Variants in TMC5 observed in about 807,000 individuals in gnomAD.
The protein encoded by TMC5 is transmembrane channel like 5, also known as transmembrane channel-like protein 5.
A neutral mutation model predicts 110.5 loss-of-function variants in TMC5; 86 were observed. That is an observed-to-expected ratio of 0.78 (90% confidence interval 0.65 to 0.93). The LOEUF is 0.93. Ranked by LOEUF, TMC5 falls within the 40% of genes least tolerant of loss-of-function variation. The pLI is 0.00. For missense variants in TMC5, 1,144 were observed against 1,222.8 expected, an observed-to-expected ratio of 0.94 and a Z score of 0.96; for synonymous variants, 455 against 439.5, an observed-to-expected ratio of 1.04 and a Z score of -0.44.
rs1476419653 is a variant in TMC5 at position 19,498,965 on chromosome 16, G to A, written c.*999G>A. The A allele has an allele frequency of 1.3e-5, 2 of 152,216 alleles. No homozygotes were observed. Among genetic ancestry groups the A allele is most frequent in the African/African-American group, 4.8e-5 (2 of 41,440 alleles). 9.4% of individuals were successfully genotyped at this position (152,216 alleles called of 1,614,324 possible). A position where few individuals can be genotyped will look rare whatever the true frequency, so the allele number is the denominator to read the frequency against. On this transcript the variant is annotated 3_prime_UTR_variant, in exon 22 of 22. Transcript: ENST00000542583. ...AATCCCAGCTACTCGGGAGGCTGAG[G>A]CAGGAGAATTGCTTGAACCTGGGAG...
At chr16:19,496,887 C>CAAAAAAAAAAAAAAAAAAAAAAAAA (rs67040638) in intron 20 of TMC5, among the ~76,000 whole-genome samples, 1 of 80,244 alleles carries the variant, frequency 1.2e-5, no homozygotes, top group African/African-American at 5.2e-5. Context: ...AAGACTCTGT[C>CAAAAAAAAAAAAAAAAAAAAAAAAA]AAAAAAAAAA....
At chr16:19,434,481 T>C (rs1967295909) in intron 2 of TMC5, among the ~76,000 whole-genome samples, 2 of 75,462 alleles carry the variant, frequency 2.7e-5, no homozygotes, top group Non-Finnish European at 5.0e-5. Flanking sequence ...GATAGATAGA[T>C]AGATAGATAG....
intron 1 of TMC5, among the ~76,000 whole-genome samples, chr16:19,422,306 G>A (rs1169107691): frequency 2.0e-5 from 3 of 152,000 alleles, no homozygotes; most frequent in Non-Finnish European, 4.4e-5. Context: ...GGAAAAGAGA[G>A]AGAGAAAGAA....
At chr16:19,417,640 A>T (rs1017243854), upstream of TMC5, 1 of 152,190 alleles carries the variant, frequency 6.6e-6, no homozygotes, top group African/African-American at 2.4e-5. Flanking sequence ...TTGAGCTGAT[A>T]ACAAAAGAAT....
Position 19,444,094 on chromosome 16 carries a change from A to G in TMC5, c.802A>G (p.Thr268Ala). 5 of 1,613,998 alleles carry G rather than the reference A, an allele frequency of 3.1e-6. No individual in the cohort carries two copies. Among genetic ancestry groups the G allele is most frequent in the Non-Finnish European group, 4.2e-6 (5 of 1,179,936 alleles). ...TTTGGATTTTAGGGTGCTCAGCAGA[A>G]CATCTTCAATCCAGCCCTCATTTCG... ...PKMTRGVLSRTSSIQPSFRHR... is the reference protein window; with the variant it reads ...PKMTRGVLSRASSIQPSFRHR... Residue 268 changes from threonine (T) to alanine (A), a missense_variant, in exon 4 of 22, where the codon ACA (threonine) becomes GCA (alanine). Transcript: ENST00000542583.
At chr16:19,415,412 C>T (rs946191384), upstream of TMC5, among the ~76,000 whole-genome samples, 5 of 152,116 alleles carry the variant, frequency 3.3e-5, no homozygotes, top group Admixed American at 2.0e-4. Context: ...TTTTGGTTGT[C>T]GTAGCTTGCA....
At chr16:19,476,355 A>G (rs904137474) in intron 12 of TMC5, among the ~76,000 whole-genome samples, 4 of 152,022 alleles carry the variant, frequency 2.6e-5, no homozygotes, top group African/African-American at 9.7e-5. Flanking sequence ...GGAAGAAAGA[A>G]AGAGAGAAAG....
At chr16:19,439,440 C>T (rs187934028) in intron 2 of TMC5, among the ~76,000 whole-genome samples, 1 of 152,158 alleles carries the variant, frequency 6.6e-6, no homozygotes, top group African/African-American at 2.4e-5. Context: ...TCCCCTCCCC[C>T]ATAACCAAGG....
In TMC5 at chr16:19,455,965, T is replaced by C. The variant is rs532240786; in HGVS notation, c.1049-4270T>C. Reference sequence around the variant, plus strand: ...TCTCACGCCTGTAATCCCAGCACTTTGGGAGGCCGAGGCAGGAGGATCACG... The same window carrying C: ...TCTCACGCCTGTAATCCCAGCACTTCGGGAGGCCGAGGCAGGAGGATCACG... On this transcript the variant is annotated intron_variant, in intron 5 of 21. Transcript: ENST00000542583. 5.9e-5 allele frequency among the ~76,000 whole-genome samples: 9 copies of C among 152,238 alleles called. No homozygotes were observed. In the South Asian group the frequency reaches 1.9e-3, roughly 32 times the overall value.
chr16:19,457,487 C>T (rs1967908294), intron 5 of TMC5, among the ~76,000 whole-genome samples: 1 of 152,082 alleles, frequency 6.6e-6, no homozygotes, highest in African/African-American at 2.4e-5. Flanking sequence ...TTTAAGACAT[C>T]CCTAACAAGA....
chr16:19,475,308 G>C (rs1483194376), intron 12 of TMC5, among the ~76,000 whole-genome samples: 3 of 152,026 alleles, frequency 2.0e-5, no homozygotes, highest in Non-Finnish European at 4.4e-5. Context: ...TGTAATCCCA[G>C]CTACTTGAGA....
intron 15 of TMC5, among the ~76,000 whole-genome samples, chr16:19,484,167 A>T (rs1390027085): frequency 6.6e-6 from 1 of 152,150 alleles, no homozygotes; most frequent in Non-Finnish European, 1.5e-5. Context: ...TGCAAACACC[A>T]ATATGTCATA....
At chr16:19,475,190 G>A (rs1428193359) in intron 12 of TMC5, among the ~76,000 whole-genome samples, 1 of 152,192 alleles carries the variant, frequency 6.6e-6, no homozygotes, top group Non-Finnish European at 1.5e-5. Flanking sequence ...GGGAGGCCAA[G>A]GCAGGTGGAT....
intron 5 of TMC5, among the ~76,000 whole-genome samples, chr16:19,452,342 A>G (rs779928349): frequency 6.6e-6 from 1 of 152,222 alleles, no homozygotes; most frequent in East Asian, 1.9e-4. Context: ...TTCAGCTATC[A>G]GAAAGCTACC....
intron 6 of TMC5, chr16:19,462,409 G>C: frequency 1.5e-6 from 1 of 654,382 alleles, no homozygotes; most frequent in South Asian, 1.7e-5. Flanking sequence ...TTGAGAATGT[G>C]TATTAGTCTG....
chr16:19,497,160 C>T lies in TMC5; in HGVS notation c.2971C>T (p.Leu991Phe). Residue 991 changes from leucine (L) to phenylalanine (F), a missense_variant, in exon 21 of 22, where the codon CTT becomes TTT. Physicochemically the swap from Leu to Phe is conservative, Grantham distance 22. Coordinates refer to ENST00000542583, the MANE Select transcript of TMC5 (RefSeq NM_001261841.2). Reference protein sequence around the residue: ...FLHLGEHDGSLDLRSRRSVQE... With the variant: ...FLHLGEHDGSFDLRSRRSVQE... ...GCATTTGGGGGAACATGATGGCAGT[C>T]TTGGTGAGTAATTAAACTGGGACAG... 4 of 1,613,796 alleles carry T rather than the reference C, an allele frequency of 2.5e-6. No individual in the cohort carries two copies. The highest frequency in any genetic ancestry group is 3.4e-6 in the Non-Finnish European group (4 of 1,179,814).
chr16:19,463,726 T>C (rs1438429458), intron 7 of TMC5, 50 bp from the exon 8 acceptor site: 1 of 1,594,064 alleles, frequency 6.3e-7, no homozygotes. Flanking sequence ...GCTCAGTCGA[T>C]ATTTGTTGAG....
intron 3 of TMC5, 80 bp from the exon 4 acceptor site, chr16:19,443,993 TTGAATGGA>T (rs2143483231): frequency 1.6e-6 from 2 of 1,215,188 alleles, no homozygotes; most frequent in Non-Finnish European, 2.3e-6. Flanking sequence ...GAATACATGA[TTGAATGGA>T]TGGATGGATG....
At chr16:19,424,422 G>T (rs974329414) in intron 1 of TMC5, among the ~76,000 whole-genome samples, 3 of 152,284 alleles carry the variant, frequency 2.0e-5, no homozygotes, top group Non-Finnish European at 2.9e-5. Flanking sequence ...AGGCCAAGGC[G>T]GGTGGATCAC....
Sources: allele counts gnomAD v4.1 joint callset (sites outside exome capture counted in the v4.1 genomes callset), GRCh38; gene constraint gnomAD v4.1.1; transcripts MANE v1.5; gene names NCBI Gene and HGNC (gene_info 2026-07-23, HGNC 2026-07-21).